Variants in RYR3 observed in about 807,000 individuals in gnomAD.
RYR3 encodes the protein brain ryanodine receptor-calcium release channel.
Under a neutral mutation model 584.3 loss-of-function variants are expected in RYR3, and 207 were observed. That is an observed-to-expected ratio of 0.35 (90% CI 0.32 to 0.40). The LOEUF (loss-of-function observed/expected upper bound fraction) is 0.40, where lower values mean the gene tolerates loss of function less well. RYR3 is among the 10% of genes least tolerant of loss of function. The pLI is 1.00. For missense variants in RYR3, 5,616 were observed against 6,089.2 expected, an observed-to-expected ratio of 0.92 and a Z score of 2.59; for synonymous variants, 2,416 against 2,248.5, an observed-to-expected ratio of 1.07 and a Z score of -2.11.
intron 1 of RYR3, among the ~76,000 whole-genome samples, chr15:33,410,762 C>T (rs956123429): frequency 2.6e-5 from 4 of 152,212 alleles, no homozygotes; most frequent in Admixed American, 1.3e-4. Flanking sequence ...CTGTATTAGT[C>T]TGTTCTCATG....
intron 49 of RYR3, among the ~76,000 whole-genome samples, chr15:33,736,950 G>C (rs1026449629): frequency 5.3e-5 from 8 of 151,964 alleles, no homozygotes; most frequent in Admixed American, 1.3e-4. Flanking sequence ...AGTAGAGATG[G>C]GGTTTCACCA....
chr15:33,459,685 A>G (rs1005482382), intron 1 of RYR3, among the ~76,000 whole-genome samples: 3 of 152,152 alleles, frequency 2.0e-5, no homozygotes, highest in African/African-American at 7.2e-5. Context: ...AGTGGTAGAC[A>G]CCTGCCAGCA....
intron 18 of RYR3, among the ~76,000 whole-genome samples, chr15:33,610,894 G>A (rs1307351783): frequency 2.6e-5 from 4 of 152,152 alleles, no homozygotes; most frequent in African/African-American, 9.7e-5. Flanking sequence ...CATCACATGA[G>A]GTTGAGTATG....
intron 93 of RYR3, chr15:33,847,054 T>G (rs1344927334): frequency 6.6e-6 from 1 of 152,216 alleles, no homozygotes; most frequent in Non-Finnish European, 1.5e-5. Context: ...ATGCTTGGAA[T>G]CCCAGAGATG....
chr15:33,460,053 C>A (rs1405866109), intron 1 of RYR3, among the ~76,000 whole-genome samples: 1 of 152,126 alleles, frequency 6.6e-6, no homozygotes, highest in Non-Finnish European at 1.5e-5. Context: ...ACTCTAAGAA[C>A]TTTTACTGCA....
chr15:33,375,526 G>C (rs2040661549), intron 1 of RYR3, among the ~76,000 whole-genome samples: 1 of 152,166 alleles, frequency 6.6e-6, no homozygotes, highest in African/African-American at 2.4e-5. Context: ...CATATTTCAA[G>C]GCTCCAGACT....
rs1044250941 is a variant in RYR3, at chr15:33,399,036, G to A, written c.52-74383G>A. Among the ~76,000 whole-genome samples, 6 of 152,128 alleles carry A rather than the reference G, an allele frequency of 3.9e-5. No individual in the cohort carries two copies. The East Asian group carries it at 1.2e-3, about 29-fold the overall frequency. On this transcript the variant is annotated intron_variant, in intron 1 of 103. Coordinates refer to ENST00000634891, the MANE Select transcript of RYR3 (RefSeq NM_001036.6). ...TCCAGAATCCTGGATTTATACAAGG[G>A]CCAGGATTTAAATAGAGGACCAAGA...
At chr15:33,554,943 T>C (rs1370717408) in intron 10 of RYR3, among the ~76,000 whole-genome samples, 4 of 152,196 alleles carry the variant, frequency 2.6e-5, no homozygotes, top group Non-Finnish European at 5.9e-5. Context: ...GTAAAGCCAC[T>C]TTAGAAGTGC....
intron 42 of RYR3, among the ~76,000 whole-genome samples, chr15:33,701,832 C>T (rs1217080498): frequency 6.6e-6 from 1 of 152,078 alleles, no homozygotes; most frequent in Admixed American, 6.5e-5. Flanking sequence ...GTTGGGGAAG[C>T]ATGCCAGGGA....
chr15:33,716,780 A>G (rs2067523082), intron 43 of RYR3, among the ~76,000 whole-genome samples: 1 of 152,190 alleles, frequency 6.6e-6, no homozygotes, highest in Admixed American at 6.5e-5. Flanking sequence ...GAACCTACTT[A>G]ATATACGTAT....
Position 33,838,399 on chromosome 15 carries a change from C to G in RYR3, c.12419C>G (p.Ser4140Cys). 6.2e-7 allele frequency: 1 copy of G among 1,614,034 alleles called. No homozygotes were observed. Among genetic ancestry groups the G allele is most frequent in the South Asian group, 1.1e-5 (1 of 91,082 alleles). ...GAAGACGGGTCTCTTGAGCCGGCCT[C>G]TGCATTTGCTATGGCCTGTGCCTCT... is the stretch of plus-strand genomic sequence containing the variant. ...EEEDGSLEPA[S>C]AFAMACASVK... The change falls in exon 89 of 104, where the codon TCT becomes TGT. Residue 4140 changes from serine (S) to cysteine (C), a missense_variant. This residue lies in a region of RYR3 where 258 missense variants were observed against 297.3 expected (regional missense o/e 0.87). Transcript: ENST00000634891.
At chr15:33,663,875 G>A in intron 36 of RYR3, 138 bp downstream of exon 36, 1 of 696,956 alleles carries the variant, frequency 1.4e-6, no homozygotes, top group South Asian at 1.9e-5. Context: ...GCAATACCAG[G>A]AGACAGGCCT....
At chr15:33,523,247 C>T (rs183137522) in intron 3 of RYR3, among the ~76,000 whole-genome samples, 2 of 152,206 alleles carry the variant, frequency 1.3e-5, no homozygotes, top group East Asian at 1.9e-4. Context: ...GCTGGCCACC[C>T]GAGCCAGCAG....
At chr15:33,342,444 T>C (rs1372297723) in intron 1 of RYR3, among the ~76,000 whole-genome samples, 4 of 152,236 alleles carry the variant, frequency 2.6e-5, no homozygotes, top group Non-Finnish European at 5.9e-5. Context: ...CAGCCCTTGA[T>C]GCCAGTTTTC....
chr15:33,505,801 T>C (rs915275840), intron 3 of RYR3, among the ~76,000 whole-genome samples: 1 of 152,188 alleles, frequency 6.6e-6, no homozygotes, highest in African/African-American at 2.4e-5. Context: ...CGGGAAACTT[T>C]TTTTTAATTG....
intron 60 of RYR3, among the ~76,000 whole-genome samples, chr15:33,761,423 C>T (rs2072438634): frequency 6.6e-6 from 1 of 152,124 alleles, no homozygotes; most frequent in Admixed American, 6.5e-5. Context: ...GGGATATCAC[C>T]ACTGATCCCA....
At chr15:33,433,292 G>A (rs917663033) in intron 1 of RYR3, among the ~76,000 whole-genome samples, 1 of 152,124 alleles carries the variant, frequency 6.6e-6, no homozygotes, top group African/African-American at 2.4e-5. Context: ...GTTTGATTTG[G>A]CTTTTTCAGG....
chr15:33,382,882 C>T (rs568627105), intron 1 of RYR3, among the ~76,000 whole-genome samples: 2 of 152,088 alleles, frequency 1.3e-5, no homozygotes, highest in African/African-American at 4.8e-5. Flanking sequence ...TGACAAGAGT[C>T]GTTTCATACC....
chr15:33,687,751 T>C (rs562180430), intron 38 of RYR3, among the ~76,000 whole-genome samples: 2 of 152,154 alleles, frequency 1.3e-5, no homozygotes, highest in South Asian at 4.2e-4. Context: ...GCCTCAGAAA[T>C]AACACCACAC....
Sources: allele counts gnomAD v4.1 joint callset (sites outside exome capture counted in the v4.1 genomes callset), GRCh38; gene constraint gnomAD v4.1.1; regional missense constraint gnomAD v4.1.1; transcripts MANE v1.5; gene names NCBI Gene and HGNC (gene_info 2026-07-23, HGNC 2026-07-21).